AKT3: variants seen among roughly 807,000 people sequenced by gnomAD.
AKT3 encodes the protein RAC-gamma serine/threonine-protein kinase.
AKT3 carries 15 observed loss-of-function variants against 65.3 expected under a neutral mutation model. That is an observed-to-expected ratio of 0.23 (90% CI 0.15 to 0.35). The LOEUF is 0.35. Among genes scored for constraint, AKT3 ranks in the 10% least tolerant of loss-of-function variants. The pLI is 1.00. For missense variants in AKT3, 243 were observed against 576.5 expected (o/e 0.42, Z 5.92); for synonymous variants, 206 against 183.8 (o/e 1.12, Z -0.98).
chr1:243,807,413 T>C (rs1173225742), intron 2 of AKT3, among the ~76,000 whole-genome samples: 2 of 152,302 alleles, frequency 1.3e-5, no homozygotes, highest in East Asian at 1.9e-4. Flanking sequence ...GAGGGTCCTA[T>C]GCCCACAGAG....
chr1:243,623,549 C>T (rs1678924039), intron 6 of AKT3, among the ~76,000 whole-genome samples: 1 of 152,114 alleles, frequency 6.6e-6, no homozygotes, highest in African/African-American at 2.4e-5. Context: ...AAAGAAAAGG[C>T]ACTCTCCTGG....
chr1:243,656,362 C>T (rs1161811832), intron 4 of AKT3, among the ~76,000 whole-genome samples: 1 of 152,018 alleles, frequency 6.6e-6, no homozygotes, highest in Non-Finnish European at 1.5e-5. Flanking sequence ...TACATGTGTG[C>T]TACTAAAGTT....
At chr1:243,664,437 C>T (rs1473550949) in intron 4 of AKT3, among the ~76,000 whole-genome samples, 3 of 151,884 alleles carry the variant, frequency 2.0e-5, no homozygotes, top group South Asian at 2.1e-4. Context: ...ATCTCCTGAC[C>T]TTGTGATCCA....
intron 2 of AKT3, among the ~76,000 whole-genome samples, chr1:243,748,799 T>C (rs1252103636): frequency 2.0e-5 from 3 of 152,178 alleles, no homozygotes; most frequent in Non-Finnish European, 4.4e-5. Flanking sequence ...CTATTAAAAA[T>C]TGCCTGTTTA....
rs1044482291 is a variant in AKT3 at position 243,558,047 on chromosome 1, G to A, written c.949-5104C>T. Among the ~76,000 whole-genome samples, 5 of 152,142 alleles carry A rather than the reference G, an allele frequency of 3.3e-5. No homozygotes were observed. In the East Asian group the frequency reaches 7.7e-4, roughly 23 times the overall value. ...CTACAGATTAAATGTGCAAACATATGTAACTTTAGCCTCATTCATTTCTCT... is the reference window on the plus strand; with the variant it reads ...CTACAGATTAAATGTGCAAACATATATAACTTTAGCCTCATTCATTTCTCT... On this transcript the variant is annotated intron_variant, in intron 10 of 13. Transcript: ENST00000673466.
In AKT3 at chr1:243,784,428, CAAA is replaced by C. The variant is rs199852273; in HGVS notation, c.46+58694_46+58696del. 4.0e-5 allele frequency among the ~76,000 whole-genome samples: 5 copies of C among 125,760 alleles called. No individual in the cohort carries two copies. The South Asian group carries it at 1.3e-3, about 33-fold the overall frequency. The allele number at this position is 125,760 out of a possible 152,430, so 82.5% of individuals were successfully genotyped here. On this transcript the variant is annotated intron_variant, in intron 2 of 13. Transcript: ENST00000673466. ...ATAAAATTGGGGGAACAGCCCTCTT[CAAA>C]AAAAAAAAGGAACATAAAACTATAA... is the stretch of plus-strand genomic sequence containing the variant.
At chr1:243,777,146 G>C (rs746276291) in intron 2 of AKT3, among the ~76,000 whole-genome samples, 9 of 152,150 alleles carry the variant, frequency 5.9e-5, no homozygotes, top group Non-Finnish European at 1.0e-4. Flanking sequence ...CCATGGGATT[G>C]GGGGGAGACG....
At chr1:243,575,510 C>T (rs1674874622) in intron 8 of AKT3, among the ~76,000 whole-genome samples, 2 of 152,040 alleles carry the variant, frequency 1.3e-5, no homozygotes, top group Non-Finnish European at 2.9e-5. Flanking sequence ...AATCATAACT[C>T]AATAAAGTGG....
intron 8 of AKT3, among the ~76,000 whole-genome samples, chr1:243,592,251 C>T (rs937928837): frequency 3.3e-5 from 5 of 151,906 alleles, no homozygotes; most frequent in African/African-American, 9.7e-5. Context: ...AGGAGAATGG[C>T]GTGAACCCAG....
chr1:243,499,719 T>C, downstream of AKT3: 1 of 1,505,098 alleles, frequency 6.6e-7, no homozygotes, highest in Non-Finnish European at 9.3e-7. Context: ...TTGAAGAACA[T>C]GAGCTATTGA....
chr1:243,744,050 C>T (rs1572264311), intron 2 of AKT3, among the ~76,000 whole-genome samples: 1 of 152,150 alleles, frequency 6.6e-6, no homozygotes, highest in South Asian at 2.1e-4. Flanking sequence ...CAAAGACATA[C>T]AGCCAAAATG....
In AKT3 at chr1:243,531,685, C is replaced by T. The variant is rs549789718; in HGVS notation, c.1251+13825G>A. ...CTACCATAAGATTAAGAAAAAACTGCACTGAATCTGTATTATCATTTTGAG... is the reference window on the plus strand; with the variant it reads ...CTACCATAAGATTAAGAAAAAACTGTACTGAATCTGTATTATCATTTTGAG... On this transcript the variant is annotated intron_variant, in intron 12 of 13. Coordinates refer to ENST00000673466, the MANE Select transcript of AKT3 (RefSeq NM_005465.7). Among the ~76,000 whole-genome samples the T allele has an allele frequency of 1.1e-3, 169 of 152,154 alleles. 1 individual carries two copies. Among genetic ancestry groups the T allele is most frequent in the African/African-American group, 3.9e-3 (163 of 41,532 alleles).
chr1:243,567,769 A>G (rs1674274071), intron 9 of AKT3, among the ~76,000 whole-genome samples: 1 of 152,188 alleles, frequency 6.6e-6, no homozygotes, highest in Non-Finnish European at 1.5e-5. Context: ...AAAAAATAAT[A>G]TCCCCAAATC....
intron 3 of AKT3, among the ~76,000 whole-genome samples, chr1:243,665,378 T>C (rs1682695692): frequency 6.6e-6 from 1 of 152,204 alleles, no homozygotes; most frequent in Admixed American, 6.5e-5. Flanking sequence ...CTTACAGTAT[T>C]ACTTATCATT....
At chr1:243,671,386 C>A (rs1337532636) in intron 3 of AKT3, among the ~76,000 whole-genome samples, 1 of 152,114 alleles carries the variant, frequency 6.6e-6, no homozygotes, top group Non-Finnish European at 1.5e-5. Flanking sequence ...GGCCAGATTC[C>A]ATTTTTTATT....
Position 243,620,198 on chromosome 1 carries a change from T to TCA in AKT3, c.562-5039_562-5038dup, listed in dbSNP as rs1678629579. ...TTTATAAGTGTCTGACAGTTCCTCTTCACACACTCGCCCTTTCTTCGCCTG... is the reference window on the plus strand; with the variant it reads ...TTTATAAGTGTCTGACAGTTCCTCTTCACACACACTCGCCCTTTCTTCGCCTG... On this transcript the variant is annotated intron_variant, in intron 6 of 13. Coordinates refer to ENST00000673466, the MANE Select transcript of AKT3 (RefSeq NM_005465.7). Among the ~76,000 whole-genome samples the TCA allele has an allele frequency of 2.0e-5, 2 of 98,190 alleles. 1 individual carries two copies. The highest frequency in any genetic ancestry group is 5.3e-5 in the African/African-American group (2 of 38,084). The allele number at this position is 98,190 out of a possible 152,430, so 64.4% of individuals were successfully genotyped here.
intron 6 of AKT3, among the ~76,000 whole-genome samples, chr1:243,635,294 G>A (rs895972888): frequency 1.3e-5 from 2 of 151,642 alleles, no homozygotes; most frequent in African/African-American, 4.8e-5. Flanking sequence ...AGTGCTAAGG[G>A]AGAAATTTAA....
At chr1:243,496,522 C>A (rs913413276), downstream of AKT3, among the ~76,000 whole-genome samples, 1 of 152,198 alleles carries the variant, frequency 6.6e-6, no homozygotes, top group South Asian at 2.1e-4. Flanking sequence ...ACAGAGACAG[C>A]GTGCCAGTGA....
At chr1:243,848,699 C>T (rs544217649) in intron 1 of AKT3, among the ~76,000 whole-genome samples, 1 of 152,276 alleles carries the variant, frequency 6.6e-6, no homozygotes, top group South Asian at 2.1e-4. Flanking sequence ...AGACAACTGC[C>T]AATGTATTAA....
Sources: allele counts gnomAD v4.1 joint callset (sites outside exome capture counted in the v4.1 genomes callset), GRCh38; gene constraint gnomAD v4.1.1; transcripts MANE v1.5; gene names NCBI Gene and HGNC (gene_info 2026-07-23, HGNC 2026-07-21).